Variants in PTCSC3 observed in about 807,000 individuals in gnomAD.
PTCSC3 encodes the protein papillary thyroid carcinoma susceptibility candidate 3 (non-protein coding).
chr14:36,167,663 A>G (rs1056007456), intron 1 of PTCSC3, among the ~76,000 whole-genome samples: 1 of 152,160 alleles, frequency 6.6e-6, no homozygotes, highest in Non-Finnish European at 1.5e-5. Flanking sequence ...TCAGGGTTAC[A>G]TGAAAAGCCA....
intron 2 of PTCSC3, among the ~76,000 whole-genome samples, chr14:36,160,679 T>C (rs1881935496): frequency 6.6e-6 from 1 of 152,142 alleles, no homozygotes; most frequent in Non-Finnish European, 1.5e-5. Context: ...TCAACCTTGG[T>C]GAATCTGACA....
intron 3 of PTCSC3, among the ~76,000 whole-genome samples, chr14:36,138,619 T>C (rs1247899830): frequency 1.3e-5 from 2 of 152,194 alleles, no homozygotes; most frequent in African/African-American, 4.8e-5. Context: ...ATATGCAAAT[T>C]AAACTACCAC....
intron 1 of PTCSC3, among the ~76,000 whole-genome samples, chr14:36,165,762 G>T (rs1882074163): frequency 6.9e-6 from 1 of 144,460 alleles, no homozygotes; most frequent in Non-Finnish European, 1.5e-5. Context: ...TGGTGTCTTG[G>T]AATATCTGCT....
At position 36,158,406 on chromosome 14, in the gene PTCSC3, T is replaced by A. The variant is rs947471587; in HGVS notation, n.231+4218A>T. On this transcript the variant is annotated intron_variant and non_coding_transcript_variant, in intron 2 of 3. Coordinates refer to ENST00000556013, the Ensembl canonical transcript of PTCSC3. ...GCTGTGGGTTTGTCACAAATAGCTCTTATTATTTTGAGATACGTCCCATCA... is the reference window on the plus strand; with the variant it reads ...GCTGTGGGTTTGTCACAAATAGCTCATATTATTTTGAGATACGTCCCATCA... Among the ~76,000 whole-genome samples, 6 of 152,332 alleles carry A rather than the reference T, an allele frequency of 3.9e-5. No homozygotes were observed. In the South Asian group the frequency reaches 1.2e-3, roughly 32 times the overall value.
intron 2 of PTCSC3, among the ~76,000 whole-genome samples, chr14:36,156,315 G>T (rs995167976): frequency 6.6e-6 from 1 of 152,182 alleles, no homozygotes; most frequent in Non-Finnish European, 1.5e-5. Context: ...TGTGATGAAA[G>T]ATTAGAATGC....
intron 3 of PTCSC3, among the ~76,000 whole-genome samples, chr14:36,147,909 G>A (rs1166041279): frequency 6.6e-6 from 1 of 151,962 alleles, no homozygotes; most frequent in Non-Finnish European, 1.5e-5. Context: ...AGGTCTGTTG[G>A]AATACCCTGC....
intron 3 of PTCSC3, among the ~76,000 whole-genome samples, chr14:36,139,121 A>AAAAAAAATC (rs1438158080): frequency 3.9e-4 from 23 of 58,418 alleles, no homozygotes; most frequent in African/African-American, 7.1e-4. Flanking sequence ...CTCAAAAATA[A>AAAAAAAATC]AAAAAAAAAA....
chr14:36,142,138 G>A (rs543058226), intron 3 of PTCSC3, among the ~76,000 whole-genome samples: 135 of 152,260 alleles, frequency 8.9e-4, no homozygotes, highest in Non-Finnish European at 1.6e-3. Context: ...CCACCATTAA[G>A]TATGATGTTA....
At chr14:36,160,407 T>C (rs1881929967) in intron 2 of PTCSC3, among the ~76,000 whole-genome samples, 1 of 152,216 alleles carries the variant, frequency 6.6e-6, no homozygotes, top group East Asian at 1.9e-4. Context: ...CAGGAGCTCT[T>C]GTAAGGCAGA....
chr14:36,139,113 C>CAAAA (rs1396431052), intron 3 of PTCSC3, among the ~76,000 whole-genome samples: 1 of 73,848 alleles, frequency 1.4e-5, no homozygotes, highest in Non-Finnish European at 3.1e-5. Flanking sequence ...GACTCCATCT[C>CAAAA]AAAAATAAAA....
intron 3 of PTCSC3, among the ~76,000 whole-genome samples, chr14:36,148,387 C>A (rs1002770860): frequency 7.9e-5 from 12 of 152,186 alleles, no homozygotes; most frequent in Non-Finnish European, 1.6e-4. Flanking sequence ...TTAAGCCTGT[C>A]GGAAAAGCGC....
At chr14:36,156,725 C>T (rs1881836255) in intron 2 of PTCSC3, among the ~76,000 whole-genome samples, 2 of 152,092 alleles carry the variant, frequency 1.3e-5, no homozygotes, top group Admixed American at 6.6e-5. Flanking sequence ...CATCCATGTC[C>T]CTGCAAAGGA....
chr14:36,145,403 T>G (rs1261910101), intron 3 of PTCSC3, among the ~76,000 whole-genome samples: 1 of 150,708 alleles, frequency 6.6e-6, no homozygotes, highest in South Asian at 2.1e-4. Context: ...GTGTATGTGT[T>G]GAGGAATTTA....
At chr14:36,142,579 G>C (rs1881448598) in intron 3 of PTCSC3, among the ~76,000 whole-genome samples, 1 of 151,916 alleles carries the variant, frequency 6.6e-6, no homozygotes, top group South Asian at 2.1e-4. Context: ...TTAAATGTTT[G>C]GTAGAATTCA....
intron 2 of PTCSC3, among the ~76,000 whole-genome samples, chr14:36,161,795 C>T (rs952202634): frequency 3.9e-5 from 6 of 152,208 alleles, no homozygotes; most frequent in African/African-American, 7.2e-5. Context: ...CAGGTAGGCA[C>T]ATTTAAGTCT....
Position 36,142,714 on chromosome 14 carries a change from A to G in PTCSC3, n.323-6358T>C, listed in dbSNP as rs1363735058. ...GGTACATGTGCACATTGTGCAGGTT[A>G]GTTACATATGTATACATGTGCCATG... is the stretch of plus-strand genomic sequence containing the variant. On this transcript the variant is annotated intron_variant and non_coding_transcript_variant, in intron 3 of 3. Coordinates refer to ENST00000556013, the Ensembl canonical transcript of PTCSC3. Among the ~76,000 whole-genome samples the G allele has an allele frequency of 2.6e-5, 4 of 151,308 alleles. No individual in the cohort carries two copies. In the East Asian group the frequency reaches 5.8e-4, roughly 22 times the overall value.
chr14:36,161,712 T>C (rs1395689902), intron 2 of PTCSC3, among the ~76,000 whole-genome samples: 4 of 152,106 alleles, frequency 2.6e-5, no homozygotes, highest in Non-Finnish European at 4.4e-5. Flanking sequence ...AGGGACCCAT[T>C]TGAGGAGGCA....
At chr14:36,155,816 G>A (rs925218203) in intron 2 of PTCSC3, among the ~76,000 whole-genome samples, 3 of 152,002 alleles carry the variant, frequency 2.0e-5, no homozygotes, top group East Asian at 1.9e-4. Context: ...ATATATATAT[G>A]TATATATTTA....
At chr14:36,158,788 C>T (rs1477894164) in intron 2 of PTCSC3, among the ~76,000 whole-genome samples, 6 of 152,088 alleles carry the variant, frequency 3.9e-5, no homozygotes, top group Non-Finnish European at 8.8e-5. Context: ...AGGGAGGAGT[C>T]CTTCTTTTTC....
Sources: gnomAD v4.1 joint callset for allele counts (sites outside exome capture counted in the v4.1 genomes callset) on GRCh38, gnomAD v4.1.1 for gene constraint, MANE v1.5 for transcripts, NCBI Gene and HGNC (gene_info 2026-07-23, HGNC 2026-07-21) for gene names.